SLC7A14: variants seen among roughly 807,000 people sequenced by gnomAD.
SLC7A14 encodes the protein solute carrier family 7 member 14.
SLC7A14 carries 37 observed loss-of-function variants against 60.2 expected under a neutral mutation model. The ratio of observed to expected loss-of-function variants is 0.61; its 90% CI spans 0.47 to 0.81. SLC7A14 has a LOEUF of 0.81. Among genes scored for constraint, SLC7A14 ranks in the 30% least tolerant of loss-of-function variants. The pLI is 0.00. For synonymous variants in SLC7A14, 399 were observed against 395.8 expected (o/e 1.01, Z -0.10); for missense variants, 886 against 982.7 (o/e 0.90, Z 1.32).
intron 4 of SLC7A14, among the ~76,000 whole-genome samples, chr3:170,489,615 C>T (rs1402312305): frequency 2.0e-5 from 3 of 152,160 alleles, no homozygotes; most frequent in Admixed American, 6.6e-5. Context: ...AGGGAATCAG[C>T]GTATTGAAGA....
intron 4 of SLC7A14, among the ~76,000 whole-genome samples, chr3:170,494,019 T>G (rs1408641927): frequency 6.6e-6 from 1 of 152,188 alleles, no homozygotes; most frequent in African/African-American, 2.4e-5. Context: ...CTCAAGGCAG[T>G]AGGCTTGGAT....
chr3:170,527,112 A>C, intron 1 of SLC7A14, 24 bp from the exon 2 acceptor site: 1 of 662,886 alleles, frequency 1.5e-6, no homozygotes, highest in Non-Finnish European at 2.5e-6. Context: ...ACAAGAAAGC[A>C]GAAGATGAGA....
intron 7 of SLC7A14, among the ~76,000 whole-genome samples, chr3:170,468,200 C>T (rs147509869): frequency 1.3e-5 from 2 of 152,272 alleles, no homozygotes; most frequent in Non-Finnish European, 2.9e-5. Context: ...AGAAACTTGC[C>T]CCCCTCGTTA....
intron 1 of SLC7A14, among the ~76,000 whole-genome samples, chr3:170,539,663 A>G (rs969823874): frequency 2.6e-5 from 4 of 152,178 alleles, no homozygotes; most frequent in Non-Finnish European, 5.9e-5. Context: ...AATTATCTCT[A>G]TTTAAAAATC....
At chr3:170,486,041 T>C (rs942472159) in intron 5 of SLC7A14, among the ~76,000 whole-genome samples, 181 bp downstream of exon 5, 1 of 152,104 alleles carries the variant, frequency 6.6e-6, no homozygotes, top group African/African-American at 2.4e-5. Flanking sequence ...TCCTGGGGCT[T>C]CTCCTCTTCT....
At chr3:170,540,842 A>T (rs901636974) in intron 1 of SLC7A14, among the ~76,000 whole-genome samples, 27 of 152,292 alleles carry the variant, frequency 1.8e-4, no homozygotes, top group African/African-American at 6.5e-4. Context: ...TTGAGTTAAA[A>T]TTTTTCCAGA....
At chr3:170,520,405 T>C (rs1713307182) in intron 2 of SLC7A14, among the ~76,000 whole-genome samples, 1 of 152,240 alleles carries the variant, frequency 6.6e-6, no homozygotes, top group African/African-American at 2.4e-5. Context: ...TAGTCACTTA[T>C]CAGATTTAGC....
At chr3:170,480,129 A>G (rs943644071) in intron 7 of SLC7A14, among the ~76,000 whole-genome samples, 160 bp downstream of exon 7, 20 of 152,222 alleles carry the variant, frequency 1.3e-4, no homozygotes, top group Non-Finnish European at 2.4e-4. Flanking sequence ...GAAAGGGGAC[A>G]ACTGGCTTTA....
At chr3:170,491,724 G>A (rs1203162041) in intron 4 of SLC7A14, among the ~76,000 whole-genome samples, 4 of 152,180 alleles carry the variant, frequency 2.6e-5, no homozygotes, top group Admixed American at 6.5e-5. Flanking sequence ...AAGGTTGGGA[G>A]GCAGCGAGGA....
intron 2 of SLC7A14, among the ~76,000 whole-genome samples, chr3:170,506,955 A>C (rs2108283534): frequency 6.6e-6 from 1 of 152,316 alleles, no homozygotes; most frequent in African/African-American, 2.4e-5. Flanking sequence ...CCTGATCATA[A>C]GTGGAGAAAG....
intron 1 of SLC7A14, among the ~76,000 whole-genome samples, chr3:170,560,459 A>T (rs1214916876): frequency 6.6e-6 from 1 of 152,230 alleles, no homozygotes; most frequent in African/African-American, 2.4e-5. Flanking sequence ...CAACTCACAG[A>T]AAAGGAAGTC....
intron 1 of SLC7A14, among the ~76,000 whole-genome samples, chr3:170,548,717 C>A (rs1007828757): frequency 6.6e-6 from 1 of 152,298 alleles, no homozygotes; most frequent in Admixed American, 6.5e-5. Context: ...AACCGTTAGA[C>A]CATATTTTTG....
chr3:170,566,807 C>A (rs536680466), intron 1 of SLC7A14, among the ~76,000 whole-genome samples: 83 of 149,298 alleles, frequency 5.6e-4, no homozygotes, highest in Non-Finnish European at 1.1e-3. Context: ...CCTTATAGTT[C>A]AGTTAAAAAA....
chr3:170,496,246 A>G (rs1712388467), intron 4 of SLC7A14: 1 of 940,458 alleles, frequency 1.1e-6, no homozygotes, highest in Admixed American at 1.7e-5. Flanking sequence ...GAGATCGCCA[A>G]CCGCAGCTGG....
At chr3:170,509,021 T>C (rs962622024) in intron 2 of SLC7A14, among the ~76,000 whole-genome samples, 3 of 152,198 alleles carry the variant, frequency 2.0e-5, no homozygotes, top group Non-Finnish European at 4.4e-5. Context: ...ACTGATGTCC[T>C]CTTCCCGATG....
At chr3:170,500,270 A>G (rs1712561802) in intron 3 of SLC7A14, among the ~76,000 whole-genome samples, 1 of 151,932 alleles carries the variant, frequency 6.6e-6, no homozygotes, top group Non-Finnish European at 1.5e-5. Context: ...GTGAAACCCC[A>G]TCTCTACTGA....
chr3:170,576,393 A>G (rs1486377027), intron 1 of SLC7A14, among the ~76,000 whole-genome samples: 2 of 152,232 alleles, frequency 1.3e-5, no homozygotes, highest in African/African-American at 4.8e-5. Context: ...CTAAATGCCA[A>G]CCTTTAGGCC....
intron 2 of SLC7A14, among the ~76,000 whole-genome samples, chr3:170,510,076 A>T (rs1712921103): frequency 1.3e-5 from 1 of 75,292 alleles, no homozygotes; most frequent in African/African-American, 5.9e-5. Context: ...ACTCTGTCTC[A>T]AAAAAAAAAA....
At chr3:170,561,287 T>G (rs553862780) in intron 1 of SLC7A14, among the ~76,000 whole-genome samples, 1 of 152,340 alleles carries the variant, frequency 6.6e-6, no homozygotes, top group East Asian at 1.9e-4. Flanking sequence ...GCAAATATTT[T>G]TTAAGTGATC....
Sources: allele counts gnomAD v4.1 joint callset (sites outside exome capture counted in the v4.1 genomes callset), GRCh38; gene constraint gnomAD v4.1.1; transcripts MANE v1.5; gene names NCBI Gene and HGNC (gene_info 2026-07-23, HGNC 2026-07-21).